DCC: variants seen among roughly 807,000 people sequenced by gnomAD.
The protein encoded by DCC is DCC netrin 1 receptor, also known as netrin receptor DCC.
A neutral mutation model predicts 172.5 loss-of-function variants in DCC; 58 were observed. That is an observed-to-expected ratio of 0.34 (90% CI 0.27 to 0.42). The LOEUF (loss-of-function observed/expected upper bound fraction) is 0.42. Ranked by LOEUF, DCC falls within the 10% of genes least tolerant of loss-of-function variation. The pLI is 1.00. For synonymous variants in DCC, 709 were observed against 644.5 expected (o/e 1.10, Z -1.52); for missense variants, 1,740 against 1,791.0 (o/e 0.97, Z 0.51).
intron 1 of DCC, among the ~76,000 whole-genome samples, chr18:52,602,405 G>GTGTGTGTGTC (rs986570485): frequency 6.6e-6 from 1 of 151,604 alleles, no homozygotes; most frequent in African/African-American, 2.4e-5. Context: ...ATCAAAGTGT[G>GTGTGTGTGTC]TGTGTGTGTG....
intron 2 of DCC, among the ~76,000 whole-genome samples, chr18:52,794,320 G>A (rs1162756332): frequency 1.3e-5 from 2 of 151,748 alleles, no homozygotes; most frequent in East Asian, 3.9e-4. Flanking sequence ...GTTTGCTTGT[G>A]TCTTCAATTT....
At chr18:52,965,513 G>A (rs145766307) in intron 5 of DCC, among the ~76,000 whole-genome samples, 47 of 152,208 alleles carry the variant, frequency 3.1e-4, no homozygotes, top group African/African-American at 1.0e-3. Flanking sequence ...TATATTTAAT[G>A]ACCTTGCAAA....
chr18:53,437,391 T>G (rs1912010406), intron 22 of DCC, among the ~76,000 whole-genome samples: 2 of 151,736 alleles, frequency 1.3e-5, no homozygotes, highest in African/African-American at 4.8e-5. Flanking sequence ...CCATCCTGGC[T>G]AACACGGTGA....
chr18:52,553,227 T>TAC (rs931353067), intron 1 of DCC, among the ~76,000 whole-genome samples: 72 of 150,464 alleles, frequency 4.8e-4, no homozygotes, highest in African/African-American at 8.2e-4. Flanking sequence ...TATATACATA[T>TAC]ACACACACAC....
chr18:53,252,495 T>C (rs1870002391), intron 12 of DCC, among the ~76,000 whole-genome samples: 1 of 151,982 alleles, frequency 6.6e-6, no homozygotes, highest in Non-Finnish European at 1.5e-5. Flanking sequence ...ACACATTTAT[T>C]TTCAAACCCC....
intron 1 of DCC, among the ~76,000 whole-genome samples, chr18:52,559,332 C>T (rs1048541596): frequency 1.3e-5 from 2 of 152,154 alleles, no homozygotes; most frequent in Admixed American, 6.6e-5. Flanking sequence ...AGGATGGTCT[C>T]GATCTCCTAA....
intron 1 of DCC, among the ~76,000 whole-genome samples, chr18:52,634,824 G>A (rs1282200964): frequency 6.6e-6 from 1 of 152,006 alleles, no homozygotes; most frequent in Admixed American, 6.6e-5. Flanking sequence ...GAGGTCCTGG[G>A]CCTTTGAACT....
intron 12 of DCC, among the ~76,000 whole-genome samples, chr18:53,273,194 C>G (rs927924964): frequency 6.6e-6 from 1 of 152,230 alleles, no homozygotes; most frequent in South Asian, 2.1e-4. Flanking sequence ...ATCTCATTTA[C>G]TCCCATGGAG....
At chr18:53,276,954 C>T (rs996901767) in intron 12 of DCC, among the ~76,000 whole-genome samples, 7 of 151,812 alleles carry the variant, frequency 4.6e-5, no homozygotes, top group African/African-American at 1.7e-4. Flanking sequence ...AAATAGTCAC[C>T]AAGAGAGGGC....
At chr18:52,393,513 G>A (rs1261545256) in intron 1 of DCC, among the ~76,000 whole-genome samples, 1 of 151,910 alleles carries the variant, frequency 6.6e-6, no homozygotes, top group East Asian at 1.9e-4. Context: ...AAAGTTTGAG[G>A]ACCACTGGCC....
chr18:52,695,762 G>A (rs2036002164), intron 1 of DCC, among the ~76,000 whole-genome samples: 1 of 152,148 alleles, frequency 6.6e-6, no homozygotes, highest in Non-Finnish European at 1.5e-5. Flanking sequence ...TCCAGCCAGG[G>A]CTTCTACCTT....
rs2144555695 is a variant in DCC, at chr18:53,206,592, GTA to G, written c.1723-1082_1723-1081del. Among the ~76,000 whole-genome samples, 2 of 65,800 alleles carry G rather than the reference GTA, an allele frequency of 3.0e-5. 1 individual carries two copies. The highest frequency in any genetic ancestry group is 5.9e-4 in the South Asian group (2 of 3,378). 43.2% of individuals were successfully genotyped at this position (65,800 alleles called of 152,430 possible). On this transcript the variant is annotated intron_variant, in intron 10 of 28. Transcript: ENST00000442544. ...ATAATACATATCTATACATCTATAT[GTA>G]TATAATACATATCTATGTATAATAT... is the stretch of plus-strand genomic sequence containing the variant.
intron 5 of DCC, among the ~76,000 whole-genome samples, chr18:53,024,356 A>G (rs1340276592): frequency 6.6e-6 from 1 of 152,088 alleles, no homozygotes; most frequent in African/African-American, 2.4e-5. Context: ...TTCACTAAGG[A>G]CTTTTGTTTG....
chr18:53,081,691 C>A (rs777623825), intron 7 of DCC, among the ~76,000 whole-genome samples: 5 of 151,688 alleles, frequency 3.3e-5, no homozygotes, highest in Middle Eastern at 3.2e-3. Context: ...CCAGAGGTAC[C>A]GCTTGTAAGC....
intron 15 of DCC, among the ~76,000 whole-genome samples, chr18:53,384,577 G>A (rs1019295226): frequency 2.0e-5 from 3 of 151,570 alleles, no homozygotes; most frequent in Admixed American, 1.3e-4. Flanking sequence ...TCTAGTTACC[G>A]TTCATGTCTA....
intron 27 of DCC, among the ~76,000 whole-genome samples, chr18:53,524,837 G>A (rs763879632): frequency 1.1e-4 from 16 of 152,042 alleles, no homozygotes; most frequent in South Asian, 2.1e-4. Flanking sequence ...TTCTTACACC[G>A]CCTGCCCATT....
At chr18:53,381,579 C>T (rs1165827003) in intron 15 of DCC, among the ~76,000 whole-genome samples, 5 of 117,900 alleles carry the variant, frequency 4.2e-5, no homozygotes, top group Non-Finnish European at 8.7e-5. Flanking sequence ...CCACCACCAC[C>T]TTACCACATC....
chr18:53,162,099 G>A (rs760846687), intron 8 of DCC, among the ~76,000 whole-genome samples: 18 of 152,044 alleles, frequency 1.2e-4, no homozygotes, highest in Non-Finnish European at 1.8e-4. Flanking sequence ...AAGAGTTCGA[G>A]ACCAGCCCGG....
chr18:53,232,877 G>A lies in DCC; in HGVS notation c.1911+17280G>A, dbSNP rs185311948. Among the ~76,000 whole-genome samples the A allele has an allele frequency of 1.1e-4, 17 of 151,166 alleles. No homozygotes were observed. The East Asian group carries it at 2.5e-3, about 23-fold the overall frequency. The stretch of plus-strand genomic sequence containing the variant: ...GTTCATCTGAATCTCTAATGTCTCC[G>A]CTCTCAATAAACTGATTAGCTGATA... On this transcript the variant is annotated intron_variant, in intron 12 of 28. Transcript: ENST00000442544.
Sources: gnomAD v4.1 joint callset for allele counts (sites outside exome capture counted in the v4.1 genomes callset) on GRCh38, gnomAD v4.1.1 for gene constraint, MANE v1.5 for transcripts, NCBI Gene and HGNC (gene_info 2026-07-23, HGNC 2026-07-21) for gene names.